Variants in ADK observed in about 807,000 individuals in gnomAD.
ADK encodes the protein N6,N6-dimethyladenosine kinase.
In ADK, 24 loss-of-function variants were observed where a neutral mutation model predicts 44.7. The ratio of observed to expected loss-of-function variants is 0.54; its 90% CI spans 0.39 to 0.76. ADK has a LOEUF of 0.76. Ranked by LOEUF, ADK falls within the 30% of genes least tolerant of loss-of-function variation. The pLI is 0.00. For synonymous variants in ADK, 128 were observed against 142.6 expected, an observed-to-expected ratio of 0.90 and a Z score of 0.73; for missense variants, 321 against 425.1, an observed-to-expected ratio of 0.76 and a Z score of 2.15.
chr10:74,703,689 T>C (rs1281749869), intron 10 of ADK, among the ~76,000 whole-genome samples: 5 of 152,184 alleles, frequency 3.3e-5, no homozygotes, highest in African/African-American at 1.2e-4. Context: ...ATTGACTAAA[T>C]TGAAATATGG....
chr10:74,593,090 T>C (rs756582556), intron 8 of ADK, among the ~76,000 whole-genome samples: 3 of 151,748 alleles, frequency 2.0e-5, no homozygotes, highest in Admixed American at 6.5e-5. Context: ...ACTTTTAGGT[T>C]CCTGTGTTCT....
chr10:74,401,457 C>A (rs1843707677), intron 6 of ADK, among the ~76,000 whole-genome samples: 2 of 152,112 alleles, frequency 1.3e-5, no homozygotes, highest in Admixed American at 1.3e-4. Context: ...GGATAGTTAG[C>A]TCTTCTTGTT....
intron 4 of ADK, among the ~76,000 whole-genome samples, chr10:74,355,923 C>T (rs1467466877): frequency 6.8e-6 from 1 of 147,802 alleles, no homozygotes; most frequent in Non-Finnish European, 1.5e-5. Context: ...GTAAGAAACA[C>T]AATTTAAGTT....
chr10:74,284,328 G>C lies in ADK; in HGVS notation c.195-30339G>C, dbSNP rs920369994. On this transcript the variant is annotated intron_variant, in intron 3 of 10. Transcript: ENST00000539909. ...TGCTGCCTAGGCTGTGCAATGGCAC[G>C]ATCTCGGCTCACCGTGGCCTCTCCC... Among the ~76,000 whole-genome samples, 5 of 148,636 alleles carry C rather than the reference G, an allele frequency of 3.4e-5. No individual in the cohort carries two copies. In the East Asian group the frequency reaches 1.0e-3, roughly 30 times the overall value.
At chr10:74,406,846 A>G (rs12359289) in intron 6 of ADK, among the ~76,000 whole-genome samples, 97,173 of 151,514 alleles carry the variant, frequency 0.64, 32,580 homozygotes, top group Middle Eastern at 0.8. Context: ...ACACCCGGCT[A>G]ATTTTTGTAT....
chr10:74,266,382 C>T (rs573009896), intron 3 of ADK, among the ~76,000 whole-genome samples: 23 of 152,184 alleles, frequency 1.5e-4, no homozygotes, highest in African/African-American at 5.5e-4. Flanking sequence ...CATGATGAAA[C>T]CCCGTCTCTA....
chr10:74,521,856 A>T (rs897077203), intron 6 of ADK, among the ~76,000 whole-genome samples: 1 of 152,202 alleles, frequency 6.6e-6, no homozygotes, highest in Non-Finnish European at 1.5e-5. Flanking sequence ...TAAGACTAAG[A>T]TTTGTTGCCT....
Position 74,232,718 on chromosome 10 carries a change from C to T in ADK, c.194+8127C>T, listed in dbSNP as rs918834617. 1.1e-4 allele frequency among the ~76,000 whole-genome samples: 16 copies of T among 152,252 alleles called. No individual in the cohort carries two copies. The East Asian group carries it at 1.2e-3, about 11-fold the overall frequency. The stretch of plus-strand genomic sequence containing the variant: ...TTAGCTCACTGCAAGCTCCACCTCC[C>T]GGGTTCACGCCATTCTCCTGCCTCA... On this transcript the variant is annotated intron_variant, in intron 3 of 10. Transcript: ENST00000539909.
At chr10:74,626,429 G>A (rs944261967) in intron 9 of ADK, among the ~76,000 whole-genome samples, 2 of 151,272 alleles carry the variant, frequency 1.3e-5, no homozygotes, top group Non-Finnish European at 2.9e-5. Context: ...CCTCTTCCAA[G>A]TAGCTGGAAC....
chr10:74,179,246 A>C (rs1842453437), intron 1 of ADK, among the ~76,000 whole-genome samples: 1 of 152,206 alleles, frequency 6.6e-6, no homozygotes, highest in East Asian at 1.9e-4. Flanking sequence ...CATTTAATAC[A>C]ATTATGTCAT....
intron 10 of ADK, among the ~76,000 whole-genome samples, chr10:74,677,571 A>G (rs1855436865): frequency 6.6e-6 from 1 of 152,162 alleles, no homozygotes; most frequent in Non-Finnish European, 1.5e-5. Flanking sequence ...ATCTCAGAAG[A>G]CTAGAAGACA....
chr10:74,185,899 G>A (rs986728738), intron 1 of ADK, among the ~76,000 whole-genome samples: 1 of 150,086 alleles, frequency 6.7e-6, no homozygotes, highest in African/African-American at 2.4e-5. Context: ...CCAGGCTGGA[G>A]TGCAGCTGCC....
At chr10:74,366,760 T>C (rs1456958450) in intron 4 of ADK, among the ~76,000 whole-genome samples, 1 of 152,110 alleles carries the variant, frequency 6.6e-6, no homozygotes, top group African/African-American at 2.4e-5. Flanking sequence ...TGAAACCCCA[T>C]CTCTATAAAA....
chr10:74,479,654 G>T (rs1192122624), intron 6 of ADK, among the ~76,000 whole-genome samples: 12 of 151,372 alleles, frequency 7.9e-5, no homozygotes, highest in African/African-American at 2.7e-4. Flanking sequence ...TTTTTATTCT[G>T]GCATTTTGGA....
intron 9 of ADK, among the ~76,000 whole-genome samples, chr10:74,617,675 A>G (rs1029334808): frequency 6.6e-5 from 10 of 152,044 alleles, no homozygotes; most frequent in Non-Finnish European, 1.5e-4. Flanking sequence ...GGCTCACTGC[A>G]GCCTCCACCT....
At chr10:74,576,453 C>G (rs1199725997) in intron 7 of ADK, among the ~76,000 whole-genome samples, 6 of 151,984 alleles carry the variant, frequency 3.9e-5, no homozygotes, top group Admixed American at 3.9e-4. Context: ...AATTAAATCT[C>G]TGAAAGAATA....
chr10:74,278,211 A>T (rs1241760233), intron 3 of ADK, among the ~76,000 whole-genome samples: 1 of 151,766 alleles, frequency 6.6e-6, no homozygotes, highest in African/African-American at 2.4e-5. Context: ...AAAATTAGCC[A>T]GGCTTAGTGG....
At chr10:74,431,950 T>C (rs1451541944) in intron 6 of ADK, among the ~76,000 whole-genome samples, 1 of 152,120 alleles carries the variant, frequency 6.6e-6, no homozygotes, top group Non-Finnish European at 1.5e-5. Context: ...TCCAGCACTT[T>C]AGGAGGCCAA....
intron 8 of ADK, among the ~76,000 whole-genome samples, chr10:74,592,633 C>G (rs190081990): frequency 6.6e-6 from 1 of 152,066 alleles, no homozygotes; most frequent in African/African-American, 2.4e-5. Flanking sequence ...ATAGGGGAAA[C>G]AAAGCAATCC....
Sources: allele counts gnomAD v4.1 joint callset (sites outside exome capture counted in the v4.1 genomes callset), GRCh38; gene constraint gnomAD v4.1.1; transcripts MANE v1.5; gene names NCBI Gene and HGNC (gene_info 2026-07-23, HGNC 2026-07-21).